PRMT3: variants seen among roughly 807,000 people sequenced by gnomAD.
PRMT3 encodes protein arginine methyltransferase 3.
In PRMT3, 62 loss-of-function variants were observed where a neutral mutation model predicts 71.9. That is an observed-to-expected ratio of 0.86 (90% CI 0.70 to 1.07). The LOEUF (loss-of-function observed/expected upper bound fraction) is 1.07. PRMT3 is among the 50% of genes least tolerant of loss of function. The probability of loss-of-function intolerance (pLI) is 0.00; values close to 1 mark genes in which losing one functional copy is unlikely to be tolerated. For missense variants in PRMT3, 663 were observed against 643.0 expected, an observed-to-expected ratio of 1.03 and a Z score of -0.34; for synonymous variants, 213 against 220.4, an observed-to-expected ratio of 0.97 and a Z score of 0.30.
rs777062784 is a variant in PRMT3 at position 20,388,148 on chromosome 11, G to T, written c.158G>T (p.Cys53Phe). 1.9e-6 allele frequency: 3 copies of T among 1,613,930 alleles called. No homozygotes were observed. The South Asian group carries it at 3.3e-5, about 18-fold the overall frequency. Residue 53 changes from cysteine to phenylalanine, a missense_variant, in exon 2 of 16, where the codon TGT becomes TTT. Transcript: ENST00000331079. ...HGKQQTPCLF[C>F]NRLFTSAEET... ...AAGCAGCAGACCCCCTGCCTGTTCT[G>T]TAACAGGTTCGTCCGCCTCAGCGCC... is the stretch of plus-strand genomic sequence containing the variant.
intron 9 of PRMT3, among the ~76,000 whole-genome samples, chr11:20,414,641 G>T (rs1446505009): frequency 1.3e-5 from 2 of 152,088 alleles, no homozygotes; most frequent in African/African-American, 4.8e-5. Context: ...CATTGACACA[G>T]TTATGGAATA....
intron 9 of PRMT3, among the ~76,000 whole-genome samples, chr11:20,416,335 C>T (rs1033340035): frequency 4.6e-5 from 7 of 152,128 alleles, no homozygotes; most frequent in Non-Finnish European, 8.8e-5. Context: ...AGACTACTAT[C>T]AACATTTTGG....
intron 15 of PRMT3, among the ~76,000 whole-genome samples, chr11:20,502,995 A>C (rs1462415373): frequency 3.9e-5 from 6 of 152,156 alleles, no homozygotes; most frequent in African/African-American, 7.2e-5. Flanking sequence ...CAGGAATGTA[A>C]CACTGGAATA....
chr11:20,430,096 A>G (rs1400370412), intron 10 of PRMT3, among the ~76,000 whole-genome samples: 1 of 152,192 alleles, frequency 6.6e-6, no homozygotes, highest in African/African-American at 2.4e-5. Flanking sequence ...CTGTAGCCAC[A>G]TTTTCATGAA....
At chr11:20,391,492 C>T (rs925076766) in intron 3 of PRMT3, among the ~76,000 whole-genome samples, 1 of 152,188 alleles carries the variant, frequency 6.6e-6, no homozygotes, top group Non-Finnish European at 1.5e-5. Flanking sequence ...ATCCGCCTGC[C>T]TTGGCCTCCC....
At chr11:20,481,671 T>C (rs972800887) in intron 13 of PRMT3, among the ~76,000 whole-genome samples, 10 of 152,120 alleles carry the variant, frequency 6.6e-5, no homozygotes, top group African/African-American at 2.4e-4. Context: ...TACTATAAAA[T>C]AATGTTTTGT....
chr11:20,423,328 T>C (rs1204435420), intron 9 of PRMT3, among the ~76,000 whole-genome samples: 4 of 152,180 alleles, frequency 2.6e-5, no homozygotes, highest in South Asian at 2.1e-4. Flanking sequence ...CTGGGAGATA[T>C]TTTTCTCTAC....
At chr11:20,404,634 A>T (rs1023076352) in intron 8 of PRMT3, among the ~76,000 whole-genome samples, 3 of 152,094 alleles carry the variant, frequency 2.0e-5, no homozygotes, top group African/African-American at 7.2e-5. Flanking sequence ...GCTGTTAATG[A>T]TGTTGCTTTA....
chr11:20,477,361 A>C (rs1850816935), intron 13 of PRMT3, among the ~76,000 whole-genome samples: 1 of 152,052 alleles, frequency 6.6e-6, no homozygotes, highest in Non-Finnish European at 1.5e-5. Flanking sequence ...AGATCACCTG[A>C]GGTCAGGGGT....
chr11:20,505,657 T>G (rs921612433), intron 15 of PRMT3, among the ~76,000 whole-genome samples: 1 of 152,146 alleles, frequency 6.6e-6, no homozygotes, highest in African/African-American at 2.4e-5. Context: ...TAAATGTTGA[T>G]TTAAAAAGAA....
intron 10 of PRMT3, among the ~76,000 whole-genome samples, chr11:20,428,959 G>T (rs1421980911): frequency 6.6e-6 from 1 of 152,204 alleles, no homozygotes; most frequent in Non-Finnish European, 1.5e-5. Flanking sequence ...AGTAGCCTAG[G>T]AATGCTAGTT....
At chr11:20,441,658 C>T (rs929518530) in intron 10 of PRMT3, among the ~76,000 whole-genome samples, 8 of 151,854 alleles carry the variant, frequency 5.3e-5, no homozygotes, top group Non-Finnish European at 1.0e-4. Flanking sequence ...TCATATTTTC[C>T]GTGTAAGATT....
chr11:20,446,077 A>G (rs1210409742), intron 10 of PRMT3, among the ~76,000 whole-genome samples: 1 of 152,080 alleles, frequency 6.6e-6, no homozygotes, highest in Non-Finnish European at 1.5e-5. Context: ...TTCAGCACTC[A>G]TGTCTGGGTA....
chr11:20,470,388 C>G (rs931881431), intron 13 of PRMT3, among the ~76,000 whole-genome samples: 2 of 152,124 alleles, frequency 1.3e-5, no homozygotes, highest in African/African-American at 4.8e-5. Context: ...TTCCCTCAAC[C>G]TCCTCCCTCT....
chr11:20,422,438 A>T (rs1849448001), intron 9 of PRMT3, among the ~76,000 whole-genome samples: 1 of 152,152 alleles, frequency 6.6e-6, no homozygotes, highest in African/African-American at 2.4e-5. Context: ...AAAGCATAAG[A>T]AGTCTTTCAG....
intron 13 of PRMT3, among the ~76,000 whole-genome samples, chr11:20,469,916 T>G (rs1288123987): frequency 6.6e-6 from 1 of 152,190 alleles, no homozygotes; most frequent in Non-Finnish European, 1.5e-5. Context: ...ATTTTTCTTT[T>G]ACTACAGTTG....
chr11:20,396,274 T>G (rs1323605336), intron 6 of PRMT3, among the ~76,000 whole-genome samples: 1 of 152,202 alleles, frequency 6.6e-6, no homozygotes, highest in East Asian at 1.9e-4. Flanking sequence ...CTATCCTAGT[T>G]TTTTAAAGTG....
chr11:20,423,980 C>G (rs527951626), intron 9 of PRMT3, among the ~76,000 whole-genome samples: 11 of 149,186 alleles, frequency 7.4e-5, no homozygotes, highest in African/African-American at 2.5e-4. Context: ...GTTAGGAGAT[C>G]GAGACCATCC....
intron 8 of PRMT3, among the ~76,000 whole-genome samples, chr11:20,403,796 G>A (rs1849002548): frequency 6.6e-6 from 1 of 152,054 alleles, no homozygotes; most frequent in South Asian, 2.1e-4. Flanking sequence ...TTGAGAACAT[G>A]TATATTGATA....
Sources: allele counts gnomAD v4.1 joint callset (sites outside exome capture counted in the v4.1 genomes callset), GRCh38; gene constraint gnomAD v4.1.1; transcripts MANE v1.5; gene names NCBI Gene and HGNC (gene_info 2026-07-23, HGNC 2026-07-21).